The following SMG6 variants were observed in gnomAD, a reference collection of about 807,000 sequenced individuals.
The protein encoded by SMG6 is telomerase-binding protein EST1A.
SMG6 carries 66 observed loss-of-function variants against 142.2 expected under a neutral mutation model. That is an observed-to-expected ratio of 0.46 (90% CI 0.38 to 0.57). The LOEUF is 0.57. SMG6 is among the 20% of genes least tolerant of loss of function. The probability of loss-of-function intolerance (pLI) is 0.00; values close to 1 mark genes in which losing one functional copy is unlikely to be tolerated. For synonymous variants in SMG6, 779 were observed against 702.4 expected, an observed-to-expected ratio of 1.11 and a Z score of -1.72; for missense variants, 1,793 against 1,832.0, an observed-to-expected ratio of 0.98 and a Z score of 0.39.
chr17:2,122,693 TTC>T (rs2069741246), intron 13 of SMG6, among the ~76,000 whole-genome samples: 2 of 152,318 alleles, frequency 1.3e-5, no homozygotes, highest in African/African-American at 4.8e-5. Flanking sequence ...GCTCCAGTAG[TTC>T]TGTGTCTGGA....
intron 13 of SMG6, among the ~76,000 whole-genome samples, chr17:2,119,979 T>C (rs2069635457): frequency 6.6e-6 from 1 of 152,060 alleles, no homozygotes. Flanking sequence ...GCTAACGTCT[T>C]ATATTTTTAG....
chr17:2,228,482 C>T (rs2073379419), intron 10 of SMG6, among the ~76,000 whole-genome samples: 2 of 152,300 alleles, frequency 1.3e-5, no homozygotes, highest in South Asian at 4.1e-4. Flanking sequence ...CCGCCTCAGC[C>T]TCCCAAAGTG....
chr17:2,081,742 C>T, intron 15 of SMG6, 68 bp downstream of exon 15: 4 of 1,573,480 alleles, frequency 2.5e-6, no homozygotes, highest in Non-Finnish European at 3.5e-6. Flanking sequence ...CTGCTCTCTG[C>T]CCACATCCTC....
intron 13 of SMG6, among the ~76,000 whole-genome samples, chr17:2,170,526 T>A (rs1200483955): frequency 6.6e-6 from 1 of 152,252 alleles, no homozygotes; most frequent in African/African-American, 2.4e-5. Context: ...TAACTCAACA[T>A]CTTCCACATG....
chr17:2,282,675 T>G lies in SMG6; in HGVS notation c.2633A>C (p.Asn878Thr). The G allele has an allele frequency of 6.2e-7, 1 of 1,614,110 alleles. No homozygotes were observed. Among genetic ancestry groups the G allele is most frequent in the South Asian group, 1.1e-5 (1 of 91,084 alleles). Residue 878 changes from asparagine to threonine, a missense_variant, in exon 8 of 19, where the codon AAT (asparagine) becomes ACT (threonine). By Grantham distance (65) the Asn-to-Thr change is moderately conservative. Transcript: ENST00000263073. ...ACTGGGACTCAGGCTGCCCAGCCCA[T>G]TCTCTTGCTCAGAATCCTTCCCAGA... ...TESGKDSEQE[N>T]GLGSLSPSDL...
intron 13 of SMG6, among the ~76,000 whole-genome samples, chr17:2,150,865 T>A (rs1168278422): frequency 6.6e-6 from 1 of 151,554 alleles, no homozygotes; most frequent in Non-Finnish European, 1.5e-5. Flanking sequence ...CAAACCCAGA[T>A]CTCACTTGAG....
chr17:2,287,704 A>ATACATTG (rs1354377620), intron 6 of SMG6, among the ~76,000 whole-genome samples: 14 of 152,204 alleles, frequency 9.2e-5, no homozygotes, highest in Admixed American at 6.5e-4. Context: ...ACACAATGAA[A>ATACATTG]TGTAATTCAC....
chr17:2,179,153 C>T (rs546699694), intron 12 of SMG6, among the ~76,000 whole-genome samples: 1 of 152,280 alleles, frequency 6.6e-6, no homozygotes, highest in African/African-American at 2.4e-5. Flanking sequence ...GTGCTAACGC[C>T]CCAACCCGGA....
intron 9 of SMG6, chr17:2,237,652 G>T: frequency 1.3e-6 from 1 of 762,408 alleles, no homozygotes; most frequent in South Asian, 6.0e-5. Flanking sequence ...CTGTAACGCA[G>T]GGAGGCAGAA....
chr17:2,102,986 A>T (rs1263466099), intron 13 of SMG6, among the ~76,000 whole-genome samples: 1 of 152,220 alleles, frequency 6.6e-6, no homozygotes, highest in Non-Finnish European at 1.5e-5. Context: ...TTAAAGGCCA[A>T]ATAGTACTCC....
At chr17:2,179,481 G>T (rs1175330786) in intron 12 of SMG6, among the ~76,000 whole-genome samples, 3 of 152,110 alleles carry the variant, frequency 2.0e-5, no homozygotes, top group African/African-American at 7.2e-5. Flanking sequence ...TTCTCCCTAT[G>T]TGACAAGACC....
rs2074631024 is a variant in SMG6, at chr17:2,275,569, GCAGTTCTAT to G, written c.2661+7069_2661+7077del. ...AACAATCAGATCTAAAAAATCCTCA[GCAGTTCTAT>G]CAGAGACCCTTGCTTTTCAGTGTGA... is the stretch of plus-strand genomic sequence containing the variant. On this transcript the variant is annotated intron_variant, in intron 8 of 18. Transcript: ENST00000263073. 2.0e-5 allele frequency among the ~76,000 whole-genome samples: 3 copies of G among 152,126 alleles called. No individual in the cohort carries two copies. The South Asian group carries it at 6.2e-4, about 31-fold the overall frequency.
chr17:2,112,233 G>C (rs760504720), intron 13 of SMG6, among the ~76,000 whole-genome samples: 15 of 151,824 alleles, frequency 9.9e-5, no homozygotes, highest in Non-Finnish European at 2.9e-5. Flanking sequence ...GGCCGGGCGC[G>C]GTGGCTCACG....
chr17:2,244,789 C>T lies in SMG6; in HGVS notation c.2662-70G>A, dbSNP rs1221338597. The T allele has an allele frequency of 1.3e-5, 17 of 1,308,568 alleles. No individual in the cohort carries two copies. In the East Asian group the frequency reaches 3.7e-4, roughly 28 times the overall value. The allele number at this position is 1,308,568 out of a possible 1,614,324, so 81.1% of individuals were successfully genotyped here. A position where few individuals can be genotyped will look rare whatever the true frequency, so the allele number is the denominator to read the frequency against. Reference sequence around the variant, plus strand: ...AGTTTCCTGTTACTGAACAGAGTCCCCAGTGACACAATAACCTGGCCAGGG... The same window carrying T: ...AGTTTCCTGTTACTGAACAGAGTCCTCAGTGACACAATAACCTGGCCAGGG... On this transcript the variant is annotated intron_variant, in intron 8 of 18. Coordinates refer to ENST00000263073, the MANE Select transcript of SMG6 (RefSeq NM_017575.5).
intron 13 of SMG6, among the ~76,000 whole-genome samples, chr17:2,137,126 C>T (rs12051614): frequency 0.02 from 3,063 of 152,188 alleles, 100 homozygotes; most frequent in East Asian, 0.17. Flanking sequence ...CAGATCCCGC[C>T]GCTGCACTCC....
chr17:2,213,479 C>T (rs2072923769), intron 10 of SMG6, among the ~76,000 whole-genome samples: 2 of 152,074 alleles, frequency 1.3e-5, no homozygotes, highest in Non-Finnish European at 2.9e-5. Context: ...GACGTTGGTG[C>T]GAGTTTGCTG....
chr17:2,206,867 AAC>A (rs1264090244), intron 10 of SMG6, among the ~76,000 whole-genome samples: 1 of 152,088 alleles, frequency 6.6e-6, no homozygotes, highest in Non-Finnish European at 1.5e-5. Context: ...CAGCCTGGGC[AAC>A]AGAGTGAGAC....
Position 2,299,455 on chromosome 17 carries a change from C to T in SMG6, c.1298G>A (p.Arg433Gln), listed in dbSNP as rs200099320. ...CTTACTACCAGATCCAAACAAAAGC[C>T]GAGGTCCCAAAGGCGCGGACTCTGG... The part of the protein sequence containing the change: ...GSPESAPLGP[R>Q]LLFGSGSKGS... Residue 433 changes from arginine to glutamine, a missense_variant, in exon 2 of 19, where the codon CGG becomes CAG. Coordinates refer to ENST00000263073, the MANE Select transcript of SMG6 (RefSeq NM_017575.5). This position sits in a 1 kb window ranked among gnomAD's most constrained non-coding sequence, Gnocchi z 4.3. 4.9e-5 allele frequency: 79 copies of T among 1,614,092 alleles called. No homozygotes were observed. In the African/African-American group the frequency reaches 6.4e-4, roughly 13 times the overall value.
chr17:2,177,396 G>C (rs2071682066), intron 12 of SMG6, among the ~76,000 whole-genome samples: 1 of 133,724 alleles, frequency 7.5e-6, no homozygotes, highest in Non-Finnish European at 1.7e-5. Flanking sequence ...GAGAGGAGGA[G>C]AGAGTCTGAA....
Sources: allele counts gnomAD v4.1 joint callset (sites outside exome capture counted in the v4.1 genomes callset), GRCh38; gene constraint gnomAD v4.1.1; non-coding constraint Gnocchi (gnomAD v3.1); transcripts MANE v1.5; gene names NCBI Gene and HGNC (gene_info 2026-07-23, HGNC 2026-07-21).